Variants in GTPBP4 observed in about 807,000 individuals in gnomAD.
The protein encoded by GTPBP4 is GTP-binding protein 4.
In GTPBP4, 15 loss-of-function variants were observed where a neutral mutation model predicts 81.7. The ratio of observed to expected loss-of-function variants is 0.18; its 90% CI spans 0.12 to 0.28. The LOEUF (loss-of-function observed/expected upper bound fraction) is 0.28, where lower values mean the gene tolerates loss of function less well. Among genes scored for constraint, GTPBP4 ranks in the 10% least tolerant of loss-of-function variants. GTPBP4 has a pLI of 1.00. For synonymous variants in GTPBP4, 272 were observed against 274.6 expected (o/e 0.99, Z 0.09); for missense variants, 847 against 793.8 (o/e 1.07, Z -0.81).
intron 8 of GTPBP4, among the ~76,000 whole-genome samples, chr10:1,003,046 A>G (rs1831665694): frequency 6.6e-6 from 1 of 152,212 alleles, no homozygotes; most frequent in Non-Finnish European, 1.5e-5. Context: ...CCATAATGCC[A>G]GCATGTATTC....
intron 1 of GTPBP4, 153 bp downstream of exon 1, chr10:988,680 C>A: frequency 1.6e-6 from 1 of 631,316 alleles, no homozygotes; most frequent in South Asian, 1.8e-5. Context: ...TACTCGGGAT[C>A]ATTTCCCCTC....
intron 8 of GTPBP4, among the ~76,000 whole-genome samples, chr10:1,005,167 A>G (rs1265390648): frequency 6.6e-6 from 1 of 151,654 alleles, no homozygotes; most frequent in East Asian, 1.9e-4. Context: ...TTGTTTTAAG[A>G]CGGAGTCTCG....
At chr10:1,002,069 G>A (rs186401841) in intron 8 of GTPBP4, among the ~76,000 whole-genome samples, 43 of 152,140 alleles carry the variant, frequency 2.8e-4, no homozygotes, top group East Asian at 1.2e-3. Flanking sequence ...GATTACAGGC[G>A]TGCGCCACCA....
chr10:992,105 T>A (rs1017116173), intron 1 of GTPBP4, among the ~76,000 whole-genome samples: 1 of 151,150 alleles, frequency 6.6e-6, no homozygotes, highest in African/African-American at 2.4e-5. Context: ...ATTAGTGTTT[T>A]AAGAAGGTTT....
intron 10 of GTPBP4, chr10:1,008,450 T>C (rs1831791187): frequency 3.0e-6 from 1 of 331,586 alleles, no homozygotes. Context: ...ATTAGCTTTT[T>C]TGGATAGTCT....
intron 2 of GTPBP4, among the ~76,000 whole-genome samples, chr10:994,635 T>C (rs1831507300): frequency 6.6e-6 from 1 of 152,238 alleles, no homozygotes; most frequent in Admixed American, 6.5e-5. Flanking sequence ...AACAACATAC[T>C]TTGATCTACT....
At chr10:1,016,073 A>T (rs1045963995) in intron 16 of GTPBP4, among the ~76,000 whole-genome samples, 177 bp downstream of exon 16, 1 of 152,300 alleles carries the variant, frequency 6.6e-6, no homozygotes, top group African/African-American at 2.4e-5. Context: ...GTGCAGGTGG[A>T]TGCCCCTGAC....
intron 8 of GTPBP4, among the ~76,000 whole-genome samples, chr10:1,003,914 T>C (rs1445345581): frequency 6.6e-6 from 1 of 152,092 alleles, no homozygotes; most frequent in African/African-American, 2.4e-5. Context: ...GTCCTAGCCT[T>C]AGGGTCTTGT....
At position 1,001,018 on chromosome 10, in the gene GTPBP4, A is replaced by G. The variant is rs201698693; in HGVS notation, c.912+5A>G. On this transcript the variant is annotated splice_donor_5th_base_variant and intron_variant, in intron 8 of 16. Transcript: ENST00000360803. ...GAACTTTCTGAAGATGATCAGGTAAATCACGTTAATATTTTGAATATTTCT... is the reference window on the plus strand; with the variant it reads ...GAACTTTCTGAAGATGATCAGGTAAGTCACGTTAATATTTTGAATATTTCT... The G allele has an allele frequency of 8.2e-6, 13 of 1,579,976 alleles. No individual in the cohort carries two copies. In the East Asian group the frequency reaches 2.9e-4, roughly 35 times the overall value.
At position 994,146 on chromosome 10, in the gene GTPBP4, A is replaced by T. The variant is rs537538197; in HGVS notation, c.219+1487A>T. Among the ~76,000 whole-genome samples, 25 of 152,348 alleles carry T rather than the reference A, an allele frequency of 1.6e-4. No individual in the cohort carries two copies. In the South Asian group the frequency reaches 4.6e-3, roughly 28 times the overall value. ...GACACTTAGGTTGTGTCTAGCTAGG[A>T]TTTGACACAGTTGCTCAGTAGATGT... On this transcript the variant is annotated intron_variant, in intron 2 of 16. Coordinates refer to ENST00000360803, the MANE Select transcript of GTPBP4 (RefSeq NM_012341.3).
Position 992,138 on chromosome 10 carries a change from C to T in GTPBP4, c.49-351C>T, listed in dbSNP as rs186895627. On this transcript the variant is annotated intron_variant, in intron 1 of 16. Coordinates refer to ENST00000360803, the MANE Select transcript of GTPBP4 (RefSeq NM_012341.3). Reference sequence around the variant, plus strand: ...TTTCAGGGCCGGGCGTGGTGGCTCACACCTGTAATCCCAGCACTTTGGGAG... The same window carrying T: ...TTTCAGGGCCGGGCGTGGTGGCTCATACCTGTAATCCCAGCACTTTGGGAG... 3.1e-3 allele frequency among the ~76,000 whole-genome samples: 467 copies of T among 151,482 alleles called. 2 individuals are homozygous for T. Among genetic ancestry groups the T allele is most frequent in the African/African-American group, 0.01 (416 of 41,356 alleles).
At chr10:996,897 T>C (rs763677367) in intron 4 of GTPBP4, 11 of 319,590 alleles carry the variant, frequency 3.4e-5, no homozygotes, top group Non-Finnish European at 6.4e-5. Context: ...AATGTCATCT[T>C]GCTAATGAGA....
At chr10:1,013,634 A>G (rs902098386) in intron 14 of GTPBP4, among the ~76,000 whole-genome samples, 22 of 152,272 alleles carry the variant, frequency 1.4e-4, no homozygotes, top group African/African-American at 4.6e-4. Context: ...TTAAAAAAAA[A>G]TCTGGACTCT....
Position 1,015,872 on chromosome 10 carries a change from C to T in GTPBP4, c.1728C>T (p.Asp576=), listed in dbSNP as rs1370866221. The T allele has an allele frequency of 3.1e-6, 5 of 1,613,354 alleles. No individual in the cohort carries two copies. Among genetic ancestry groups the T allele is most frequent in the African/African-American group, 1.3e-5 (1 of 74,918 alleles). The change falls in exon 16 of 17, where the codon GAC becomes GAT. Residue 576 remains aspartate (D), a synonymous_variant. Transcript: ENST00000360803. ...RSGSCSRTPR[D]VSGLRDVKMV... ...GGAGTTGCTCTCGAACTCCACGTGA[C>T]GTTTCTGGTCTTAGGGATGTCAAGG...
At chr10:1,005,788 A>G in intron 8 of GTPBP4, 30 bp from the exon 9 acceptor site, 1 of 1,215,890 alleles carries the variant, frequency 8.2e-7, no homozygotes, top group Non-Finnish European at 1.2e-6. Flanking sequence ...AATGAATAAT[A>G]CATCTCTCGT....
At chr10:991,294 T>C (rs17221456) in intron 1 of GTPBP4, among the ~76,000 whole-genome samples, 18,720 of 152,298 alleles carry the variant, frequency 0.12, 1,529 homozygotes, top group Non-Finnish European at 0.19. Context: ...TGAAATAATA[T>C]TGAGTTAATC....
chr10:1,011,219 A>G (rs556300817), intron 13 of GTPBP4, among the ~76,000 whole-genome samples: 8 of 140,384 alleles, frequency 5.7e-5, no homozygotes, highest in South Asian at 2.3e-4. Flanking sequence ...CCAGGCCCTT[A>G]ATGGACTCTG....
intron 13 of GTPBP4, among the ~76,000 whole-genome samples, chr10:1,012,093 A>G (rs1276556733): frequency 1.3e-5 from 2 of 152,192 alleles, no homozygotes; most frequent in Non-Finnish European, 1.5e-5. Flanking sequence ...ATTAGAACGG[A>G]CACGTGGGAT....
At chr10:999,730 A>T (rs1008311937) in intron 6 of GTPBP4, among the ~76,000 whole-genome samples, 1 of 152,228 alleles carries the variant, frequency 6.6e-6, no homozygotes, top group Non-Finnish European at 1.5e-5. Context: ...AGGCCAAGGC[A>T]GGCAGCTAAC....
Sources: gnomAD v4.1 joint callset for allele counts (sites outside exome capture counted in the v4.1 genomes callset) on GRCh38, gnomAD v4.1.1 for gene constraint, MANE v1.5 for transcripts, NCBI Gene and HGNC (gene_info 2026-07-23, HGNC 2026-07-21) for gene names.